The following NAA60 variants were observed in gnomAD, a reference collection of about 807,000 sequenced individuals.
NAA60 encodes N-alpha-acetyltransferase 60.
NAA60 carries 8 observed loss-of-function variants against 26.1 expected under a neutral mutation model. The ratio of observed to expected loss-of-function variants is 0.31; its 90% confidence interval spans 0.18 to 0.55. The LOEUF (loss-of-function observed/expected upper bound fraction) is 0.55. Among genes scored for constraint, NAA60 ranks in the 20% least tolerant of loss-of-function variants. The probability of loss-of-function intolerance (pLI) is 0.93; values close to 1 mark genes in which losing one functional copy is unlikely to be tolerated. For synonymous variants in NAA60, 131 were observed against 122.5 expected, an observed-to-expected ratio of 1.07 and a Z score of -0.46; for missense variants, 290 against 311.3, an observed-to-expected ratio of 0.93 and a Z score of 0.51.
intron 1 of NAA60, chr16:3,447,485 G>A (rs2034602049): frequency 1.0e-6 from 1 of 985,354 alleles, no homozygotes; most frequent in South Asian, 4.7e-5. Context: ...TTCCCAGATG[G>A]TACTGCCTTT....
chr16:3,477,053 A>G (rs1367940763), intron 3 of NAA60, among the ~76,000 whole-genome samples: 1 of 152,090 alleles, frequency 6.6e-6, no homozygotes, highest in Non-Finnish European at 1.5e-5. Context: ...AAAAAAAGAA[A>G]GAAAGATATT....
At chr16:3,479,322 TAG>T (rs770222478) in intron 3 of NAA60, 147 bp from the exon 4 acceptor site, 32 of 701,286 alleles carry the variant, frequency 4.6e-5, no homozygotes, top group Non-Finnish European at 6.6e-5. Flanking sequence ...GACAGTTAGG[TAG>T]AGACTTAAGT....
intron 2 of NAA60, among the ~76,000 whole-genome samples, chr16:3,458,400 G>A (rs1437057738): frequency 1.3e-5 from 2 of 152,240 alleles, no homozygotes; most frequent in South Asian, 2.1e-4. Flanking sequence ...GGCCAGGGAC[G>A]AGGGTTGAGG....
intron 2 of NAA60, among the ~76,000 whole-genome samples, chr16:3,455,087 T>C (rs1478584424): frequency 1.3e-5 from 2 of 152,236 alleles, no homozygotes; most frequent in Non-Finnish European, 2.9e-5. Flanking sequence ...ACTGTCACTT[T>C]GTTGCCCAGG....
intron 1 of NAA60, among the ~76,000 whole-genome samples, chr16:3,444,274 T>C (rs1364416789): frequency 6.6e-6 from 1 of 152,000 alleles, no homozygotes; most frequent in African/African-American, 2.4e-5. Flanking sequence ...ATTGGAAAAT[T>C]GAGCTCCTCC....
chr16:3,482,620 G>C (rs759677944), intron 5 of NAA60, 22 bp downstream of exon 5: 7 of 1,551,998 alleles, frequency 4.5e-6, no homozygotes, highest in Non-Finnish European at 6.1e-6. Context: ...CGGGCCCGCG[G>C]CTTGGCGCCC....
At chr16:3,450,693 C>A (rs1221115344) in intron 2 of NAA60, among the ~76,000 whole-genome samples, 2 of 129,242 alleles carry the variant, frequency 1.5e-5, no homozygotes, top group African/African-American at 6.3e-5. Context: ...GAGTGAGACT[C>A]CGTCTCAAAA....
rs1464425070 is a variant in NAA60, at chr16:3,447,195, A to G, written c.-76-1276A>G. 2.0e-5 allele frequency among the ~76,000 whole-genome samples: 3 copies of G among 152,188 alleles called. No individual in the cohort carries two copies. In the East Asian group the frequency reaches 5.8e-4, roughly 29 times the overall value. On this transcript the variant is annotated intron_variant, in intron 1 of 7. Coordinates refer to ENST00000407558, the MANE Select transcript of NAA60 (RefSeq NM_001083601.3). ...GTGATTTTTATGATGATGCAGCTGT[A>G]TATTGAAACGGAAAGATACTCATTT... is the stretch of plus-strand genomic sequence containing the variant.
At chr16:3,447,576 C>G (rs547959971) in intron 1 of NAA60, 1 of 985,204 alleles carries the variant, frequency 1.0e-6, no homozygotes. Context: ...TGATACTGAT[C>G]GGAAACTGAC....
chr16:3,472,881 C>A (rs2036240683), intron 2 of NAA60, among the ~76,000 whole-genome samples: 1 of 152,190 alleles, frequency 6.6e-6, no homozygotes, highest in African/African-American at 2.4e-5. Flanking sequence ...CCTGCATATT[C>A]CACTGTGCAT....
At chr16:3,485,423 C>G in intron 7 of NAA60, 44 bp from the exon 8 acceptor site, 1 of 460,648 alleles carries the variant, frequency 2.2e-6, no homozygotes. Flanking sequence ...GGCAGAGTGT[C>G]TCCGCCGGGC....
chr16:3,484,282 TGTGAAGACAGGCATCCAGGG>T (rs1238888409), intron 6 of NAA60, among the ~76,000 whole-genome samples: 1 of 152,230 alleles, frequency 6.6e-6, no homozygotes, highest in Non-Finnish European at 1.5e-5. Flanking sequence ...GTCTAGCTTA[TGTGAAGACAGGCATCCAGGG>T]GGTCAGCACT....
Position 3,485,553 on chromosome 16 carries a change from A to T in NAA60, c.*293A>T, listed in dbSNP as rs1406355565. On this transcript the variant is annotated 3_prime_UTR_variant, in exon 8 of 8. Transcript: ENST00000407558. ...TGCGCATGCACCGTCCCCAGGGCTG[A>T]CCCAGTGTGGCTGCATTCACTGGGA... 6 of 454,602 alleles carry T rather than the reference A, an allele frequency of 1.3e-5. No individual in the cohort carries two copies. The highest frequency in any genetic ancestry group is 7.8e-5 in the South Asian group (5 of 64,370). The allele number at this position is 454,602 out of a possible 1,614,324, so 28.2% of individuals were successfully genotyped here.
intron 2 of NAA60, among the ~76,000 whole-genome samples, chr16:3,452,165 A>G (rs2034811688): frequency 6.6e-6 from 1 of 152,086 alleles, no homozygotes; most frequent in South Asian, 2.1e-4. Flanking sequence ...GTAAGCCGTG[A>G]TCACGCCACT....
intron 4 of NAA60, among the ~76,000 whole-genome samples, chr16:3,481,235 G>A (rs1162804070): frequency 3.3e-5 from 5 of 151,878 alleles, no homozygotes; most frequent in Non-Finnish European, 5.9e-5. Context: ...GATTTTAGAC[G>A]TGCGCCACCA....
rs1167714493 is a variant in NAA60 at position 3,476,333 on chromosome 16, A to G, written c.106A>G (p.Ile36Val). ...GCACCTGTGTGGCGACTGGTTCCCCATCGAGTAAGTGGAGCGGATTGCAGG... is the reference window on the plus strand; with the variant it reads ...GCACCTGTGTGGCGACTGGTTCCCCGTCGAGTAAGTGGAGCGGATTGCAGG... Reference protein sequence around the residue: ...VKHLCGDWFPIEYPDSWYRDI... With the variant: ...VKHLCGDWFPVEYPDSWYRDI... Residue 36 changes from isoleucine (I) to valine (V), a missense_variant, in exon 3 of 8, where the codon ATC becomes GTC. By Grantham distance (29) the Ile-to-Val change is conservative. Coordinates refer to ENST00000407558, the MANE Select transcript of NAA60 (RefSeq NM_001083601.3). 1 of 1,613,030 alleles carries G rather than the reference A, an allele frequency of 6.2e-7. No individual in the cohort carries two copies. Among genetic ancestry groups the G allele is most frequent in the Admixed American group, 1.7e-5 (1 of 59,988 alleles).
intron 2 of NAA60, among the ~76,000 whole-genome samples, chr16:3,452,259 C>T (rs969163437): frequency 3.9e-5 from 6 of 152,082 alleles, no homozygotes; most frequent in Admixed American, 3.3e-4. Flanking sequence ...AGGCTGCGGG[C>T]CATTTGCCCT....
intron 2 of NAA60, among the ~76,000 whole-genome samples, chr16:3,471,850 G>A (rs1485964667): frequency 6.6e-6 from 1 of 152,206 alleles, no homozygotes; most frequent in Non-Finnish European, 1.5e-5. Context: ...CTGTAGCAAG[G>A]AGGAGGCCGT....
chr16:3,470,518 C>G (rs950152688), intron 2 of NAA60, among the ~76,000 whole-genome samples: 5 of 152,228 alleles, frequency 3.3e-5, no homozygotes, highest in African/African-American at 1.2e-4. Flanking sequence ...AGCTCCACGT[C>G]CTTCCCAAAG....
Sources: allele counts gnomAD v4.1 joint callset (sites outside exome capture counted in the v4.1 genomes callset), GRCh38; gene constraint gnomAD v4.1.1; transcripts MANE v1.5; gene names NCBI Gene and HGNC (gene_info 2026-07-23, HGNC 2026-07-21).